MAL2: variants seen among roughly 807,000 people sequenced by gnomAD.
MAL2 encodes the protein protein MAL2.
A neutral mutation model predicts 18.1 loss-of-function variants in MAL2; 17 were observed. The ratio of observed to expected loss-of-function variants is 0.94; its 90% CI spans 0.64 to 1.41. The LOEUF (loss-of-function observed/expected upper bound fraction) is 1.41, where lower values mean the gene tolerates loss of function less well. MAL2 is among the 40% of genes most tolerant of loss of function. MAL2 has a pLI of 0.00. For synonymous variants in MAL2, 102 were observed against 102.3 expected (o/e 1.00, Z 0.02); for missense variants, 222 against 231.9 (o/e 0.96, Z 0.28).
rs1353253222 is a variant in MAL2 at position 119,219,565 on chromosome 8, GAC to G, written c.133-2020_133-2019del. ...TGTGTGTGTGTGTGTGAGAGAGAGAGACAGAGAGAGAGAGAGAGAGATTGATT... is the reference window on the plus strand; with the variant it reads ...TGTGTGTGTGTGTGTGAGAGAGAGAGAGAGAGAGAGAGAGAGAGATTGATT... On this transcript the variant is annotated intron_variant, in intron 1 of 3. Transcript: ENST00000614891. Among the ~76,000 whole-genome samples the G allele has an allele frequency of 6.5e-3, 980 of 150,476 alleles. 13 individuals are homozygous for G. Among genetic ancestry groups the G allele is most frequent in the African/African-American group, 0.022 (923 of 41,108 alleles).
Position 119,239,714 on chromosome 8 carries a change from G to T in MAL2, c.304-451G>T, listed in dbSNP as rs547256567. The stretch of plus-strand genomic sequence containing the variant: ...ATATTCTCACTCATAGGTGGGAATT[G>T]AACAATGAGAACACATGGACACAGG... On this transcript the variant is annotated intron_variant, in intron 2 of 3. Transcript: ENST00000614891. Among the ~76,000 whole-genome samples the T allele has an allele frequency of 1.1e-4, 16 of 151,646 alleles. No homozygotes were observed. The East Asian group carries it at 3.1e-3, about 29-fold the overall frequency.
chr8:119,217,654 A>G (rs1454046798), intron 1 of MAL2, among the ~76,000 whole-genome samples: 8 of 152,210 alleles, frequency 5.3e-5, no homozygotes, highest in Admixed American at 5.2e-4. Context: ...GACGATGAGA[A>G]TAACGTGGGC....
At chr8:119,239,687 A>T (rs1008335548) in intron 2 of MAL2, among the ~76,000 whole-genome samples, 1 of 151,680 alleles carries the variant, frequency 6.6e-6, no homozygotes, top group East Asian at 1.9e-4. Context: ...ACCAAACACC[A>T]CATATTCTCA....
intron 2 of MAL2, among the ~76,000 whole-genome samples, chr8:119,233,671 G>T (rs2129877449): frequency 6.6e-6 from 1 of 152,256 alleles, no homozygotes; most frequent in Non-Finnish European, 1.5e-5. Context: ...CTCTGAAATT[G>T]TGGCAATAAT....
chr8:119,242,566 A>C (rs982671015), intron 3 of MAL2, among the ~76,000 whole-genome samples: 2 of 152,220 alleles, frequency 1.3e-5, no homozygotes, highest in African/African-American at 4.8e-5. Context: ...GCTGTCATTC[A>C]GAAAACAATG....
At chr8:119,221,312 T>C (rs1230737766) in intron 1 of MAL2, 6 of 324,242 alleles carry the variant, frequency 1.9e-5, no homozygotes, top group Non-Finnish European at 3.4e-5. Flanking sequence ...GATGAAGGAA[T>C]ACTGGACATG....
chr8:119,243,388 G>T (rs1250560936), intron 3 of MAL2, 29 bp from the exon 4 acceptor site: 6 of 1,539,284 alleles, frequency 3.9e-6, no homozygotes, highest in Non-Finnish European at 5.3e-6. Flanking sequence ...TTGTAAATCT[G>T]ATGTGAATTT....
intron 2 of MAL2, among the ~76,000 whole-genome samples, chr8:119,231,839 C>G (rs1817736474): frequency 6.6e-6 from 1 of 151,212 alleles, no homozygotes; most frequent in African/African-American, 2.5e-5. Flanking sequence ...ACCGCATGAT[C>G]TCACTTATAT....
Position 119,208,460 on chromosome 8 carries a change from CG to C in MAL2, c.-11del, listed in dbSNP as rs1186482990. ...GCGGCGGCGCGCGGAGACGCAGCAG[CG>C]GCAGCGGCAGCATGTCGGCCGGCGG... On this transcript the variant is annotated 5_prime_UTR_variant, in exon 1 of 4. Coordinates refer to ENST00000614891, the MANE Select transcript of MAL2 (RefSeq NM_052886.3). This position sits in a 1 kb window ranked among gnomAD's most constrained non-coding sequence, Gnocchi z 4.3. 4.1e-6 allele frequency: 5 copies of C among 1,233,016 alleles called. No individual in the cohort carries two copies. The highest frequency in any genetic ancestry group is 4.1e-6 in the Non-Finnish European group (4 of 986,578). 76.4% of individuals were successfully genotyped at this position (1,233,016 alleles called of 1,614,324 possible). A position where few individuals can be genotyped will look rare whatever the true frequency, so the allele number is the denominator to read the frequency against.
intron 2 of MAL2, among the ~76,000 whole-genome samples, chr8:119,230,528 G>C (rs1345065849): frequency 6.6e-6 from 1 of 152,072 alleles, no homozygotes; most frequent in Non-Finnish European, 1.5e-5. Context: ...TAGCATCCTT[G>C]AGCTATAAAA....
intron 3 of MAL2, among the ~76,000 whole-genome samples, chr8:119,241,213 C>T (rs1818040962): frequency 6.6e-6 from 1 of 152,128 alleles, no homozygotes; most frequent in Non-Finnish European, 1.5e-5. Flanking sequence ...CCACTGGCTT[C>T]ATGTGGCTAT....
chr8:119,231,303 A>T (rs769743121), intron 2 of MAL2, among the ~76,000 whole-genome samples: 8 of 152,224 alleles, frequency 5.3e-5, no homozygotes, highest in Non-Finnish European at 1.2e-4. Flanking sequence ...AAGTGCTGGG[A>T]TTACAGGCGT....
At chr8:119,232,789 G>A (rs1007363677) in intron 2 of MAL2, among the ~76,000 whole-genome samples, 2 of 152,068 alleles carry the variant, frequency 1.3e-5, no homozygotes, top group Admixed American at 1.3e-4. Flanking sequence ...ATATGTTATG[G>A]CTTTTTTATA....
chr8:119,245,350 G>C lies in MAL2; in HGVS notation c.*1862G>C, dbSNP rs1302285084. On this transcript the variant is annotated 3_prime_UTR_variant, in exon 4 of 4. Coordinates refer to ENST00000614891, the MANE Select transcript of MAL2 (RefSeq NM_052886.3). ...TAGGTGTGAGATTTTTTGTTTCCCA[G>C]GTATAGCAGGCTTATGTTTGGTGGC... 1 of 152,510 alleles carries C rather than the reference G, an allele frequency of 6.6e-6. No individual in the cohort carries two copies. The highest frequency in any genetic ancestry group is 1.5e-5 in the Non-Finnish European group (1 of 68,012). 9.4% of individuals were successfully genotyped at this position (152,510 alleles called of 1,614,324 possible).
chr8:119,235,385 T>C (rs898054638), intron 2 of MAL2, among the ~76,000 whole-genome samples: 92 of 152,160 alleles, frequency 6.0e-4, no homozygotes, highest in Middle Eastern at 3.4e-3. Context: ...CAGGATATTA[T>C]CCAGGAGAAC....
chr8:119,231,835 T>C (rs1318476105), intron 2 of MAL2, among the ~76,000 whole-genome samples: 1 of 151,590 alleles, frequency 6.6e-6, no homozygotes, highest in Non-Finnish European at 1.5e-5. Context: ...CAATACCGCA[T>C]GATCTCACTT....
intron 2 of MAL2, among the ~76,000 whole-genome samples, chr8:119,232,954 AGTTT>A (rs1341769174): frequency 1.3e-5 from 2 of 152,148 alleles, no homozygotes; most frequent in Admixed American, 6.6e-5. Flanking sequence ...GCTGAGAGAC[AGTTT>A]GTTATAATTT....
At chr8:119,221,558 A>C (rs1490279819) in intron 1 of MAL2, 29 bp from the exon 2 acceptor site, 2 of 1,611,794 alleles carry the variant, frequency 1.2e-6, no homozygotes, top group Non-Finnish European at 1.7e-6. Context: ...TCTTTTAAGC[A>C]AACCAATTAC....
At position 119,240,433 on chromosome 8, in the gene MAL2, T is replaced by C. The variant is rs1031924586; in HGVS notation, c.459+113T>C. On this transcript the variant is annotated intron_variant, in intron 3 of 3. Coordinates refer to ENST00000614891, the MANE Select transcript of MAL2 (RefSeq NM_052886.3). The stretch of plus-strand genomic sequence containing the variant: ...TTTCTTCAATGCTAGCCATTGGCAT[T>C]AAATATGTAATAGCTATTTATCTGT... 3.7e-6 allele frequency: 4 copies of C among 1,070,708 alleles called. No individual in the cohort carries two copies. The Admixed American group carries it at 1.0e-4, about 27-fold the overall frequency. 66.3% of individuals were successfully genotyped at this position (1,070,708 alleles called of 1,614,324 possible). A position where few individuals can be genotyped will look rare whatever the true frequency, so the allele number is the denominator to read the frequency against.
Sources: allele counts gnomAD v4.1 joint callset (sites outside exome capture counted in the v4.1 genomes callset), GRCh38; gene constraint gnomAD v4.1.1; non-coding constraint Gnocchi (gnomAD v3.1); transcripts MANE v1.5; gene names NCBI Gene and HGNC (gene_info 2026-07-23, HGNC 2026-07-21).